Variants in C1orf21 observed in about 807,000 individuals in gnomAD.
C1orf21 encodes the protein uncharacterized protein C1orf21.
In C1orf21, 3 loss-of-function variants were observed where a neutral mutation model predicts 18.7. That is an observed-to-expected ratio of 0.16 (90% CI 0.07 to 0.42). The LOEUF (loss-of-function observed/expected upper bound fraction) is 0.42, where lower values mean the gene tolerates loss of function less well. Among genes scored for constraint, C1orf21 ranks in the 10% least tolerant of loss-of-function variants. The pLI is 0.99. For missense variants in C1orf21, 104 were observed against 143.6 expected, an observed-to-expected ratio of 0.72 and a Z score of 1.41; for synonymous variants, 41 against 46.4, an observed-to-expected ratio of 0.88 and a Z score of 0.47.
chr1:184,471,112 G>C (rs1419000091), intron 1 of C1orf21, among the ~76,000 whole-genome samples: 1 of 152,104 alleles, frequency 6.6e-6, no homozygotes, highest in African/African-American at 2.4e-5. Context: ...GGAGTTTTCT[G>C]GTGCAGGAGA....
chr1:184,600,185 TGA>T (rs1659568868), intron 5 of C1orf21, among the ~76,000 whole-genome samples: 1 of 152,118 alleles, frequency 6.6e-6, no homozygotes, highest in Admixed American at 6.6e-5. Context: ...TTCTTTTTTT[TGA>T]GACGAGGTCT....
chr1:184,561,413 G>A (rs1658962370), intron 3 of C1orf21, among the ~76,000 whole-genome samples: 1 of 152,176 alleles, frequency 6.6e-6, no homozygotes, highest in South Asian at 2.1e-4. Flanking sequence ...GGATGACAGT[G>A]TGCTGTCAGT....
At chr1:184,580,637 T>G (rs1280372069) in intron 3 of C1orf21, among the ~76,000 whole-genome samples, 1 of 152,264 alleles carries the variant, frequency 6.6e-6, no homozygotes, top group East Asian at 1.9e-4. Context: ...TTTGGGACGT[T>G]GTCCCCATAA....
chr1:184,610,251 G>C (rs1242038269), intron 5 of C1orf21, among the ~76,000 whole-genome samples: 1 of 152,238 alleles, frequency 6.6e-6, no homozygotes, highest in Admixed American at 6.5e-5. Flanking sequence ...AGTTTTATTG[G>C]AACTCAGCCA....
chr1:184,551,104 GCA>G (rs1658806450), intron 3 of C1orf21, among the ~76,000 whole-genome samples: 2 of 152,258 alleles, frequency 1.3e-5, no homozygotes, highest in Non-Finnish European at 2.9e-5. Context: ...CCCTTGAAAT[GCA>G]CAGACAGACA....
intron 1 of C1orf21, among the ~76,000 whole-genome samples, chr1:184,443,271 A>G (rs1032244494): frequency 3.9e-5 from 6 of 152,182 alleles, no homozygotes; most frequent in African/African-American, 1.4e-4. Context: ...TGAGATTATT[A>G]ACATGTAATG....
At chr1:184,436,271 G>A (rs1262252138) in intron 1 of C1orf21, among the ~76,000 whole-genome samples, 1 of 152,140 alleles carries the variant, frequency 6.6e-6, no homozygotes, top group East Asian at 1.9e-4. Flanking sequence ...TTATTGGGGC[G>A]ATGGAGTAGT....
At chr1:184,541,242 A>G (rs1365997253) in intron 3 of C1orf21, among the ~76,000 whole-genome samples, 1 of 152,222 alleles carries the variant, frequency 6.6e-6, no homozygotes, top group Non-Finnish European at 1.5e-5. Flanking sequence ...AGTACAGATG[A>G]AATATAAATT....
intron 5 of C1orf21, among the ~76,000 whole-genome samples, chr1:184,608,724 A>G (rs1344347229): frequency 1.3e-5 from 2 of 152,218 alleles, no homozygotes; most frequent in East Asian, 3.8e-4. Flanking sequence ...TCATTCCCAG[A>G]AAATGGATTA....
intron 3 of C1orf21, among the ~76,000 whole-genome samples, chr1:184,584,001 A>C (rs796943710): frequency 1.3e-5 from 2 of 152,088 alleles, no homozygotes; most frequent in South Asian, 4.1e-4. Context: ...GATATTGCAT[A>C]GCTCTCAGCC....
At chr1:184,536,049 AAG>A (rs776793613) in intron 3 of C1orf21, among the ~76,000 whole-genome samples, 21 of 152,198 alleles carry the variant, frequency 1.4e-4, no homozygotes, top group Non-Finnish European at 2.8e-4. Flanking sequence ...GAATTGCAGA[AAG>A]AAGATTTTAA....
rs111825007 is a variant in C1orf21, at chr1:184,567,478, G to A, written c.190-23261G>A. 1,271 of 540,190 alleles carry A rather than the reference G, an allele frequency of 2.4e-3. 13 individuals carry two copies. The highest frequency in any genetic ancestry group is 0.022 in the African/African-American group (1,165 of 52,302). 33.5% of individuals were successfully genotyped at this position (540,190 alleles called of 1,614,324 possible). ...TTAACACTGCTGGTGCAGAGATGCT[G>A]TATTGGATTGTAGGGAAGCTGAGTG... On this transcript the variant is annotated intron_variant, in intron 3 of 5. Coordinates refer to ENST00000235307, the MANE Select transcript of C1orf21 (RefSeq NM_030806.4).
intron 1 of C1orf21, among the ~76,000 whole-genome samples, chr1:184,392,396 C>T (rs1655981868): frequency 6.6e-6 from 1 of 152,146 alleles, no homozygotes; most frequent in Non-Finnish European, 1.5e-5. Context: ...AGTGTGTACA[C>T]ATGGACGTTT....
chr1:184,566,073 T>C (rs1458120775), intron 3 of C1orf21, among the ~76,000 whole-genome samples: 1 of 152,050 alleles, frequency 6.6e-6, no homozygotes, highest in Admixed American at 6.5e-5. Context: ...TGGATTAGGG[T>C]TATGAATGCT....
Position 184,567,631 on chromosome 1 carries a change from C to T in C1orf21, c.190-23108C>T. 2 of 428,066 alleles carry T rather than the reference C, an allele frequency of 4.7e-6. 1 individual carries two copies. Among genetic ancestry groups the T allele is most frequent in the South Asian group, 3.9e-5 (2 of 51,064 alleles). The allele number at this position is 428,066 out of a possible 1,614,324, so 26.5% of individuals were successfully genotyped here. A position where few individuals can be genotyped will look rare whatever the true frequency, so the allele number is the denominator to read the frequency against. ...GGGGCAGGCAGTGGAGGATGCTAGG[C>T]AGACTGCAGCCTACAATGGCATCAC... is the stretch of plus-strand genomic sequence containing the variant. On this transcript the variant is annotated intron_variant, in intron 3 of 5. Transcript: ENST00000235307.
At chr1:184,421,059 A>G (rs1364291622) in intron 1 of C1orf21, among the ~76,000 whole-genome samples, 2 of 152,126 alleles carry the variant, frequency 1.3e-5, no homozygotes, top group East Asian at 1.9e-4. Flanking sequence ...TCATAGTTTC[A>G]CCATTGTTTT....
intron 2 of C1orf21, among the ~76,000 whole-genome samples, chr1:184,506,210 G>A (rs1557989291): frequency 6.6e-6 from 1 of 152,052 alleles, no homozygotes; most frequent in Non-Finnish European, 1.5e-5. Context: ...ATTGTCAGGT[G>A]GAAAAAACAG....
intron 3 of C1orf21, among the ~76,000 whole-genome samples, chr1:184,554,239 G>A (rs1658849158): frequency 6.6e-6 from 1 of 152,030 alleles, no homozygotes; most frequent in African/African-American, 2.4e-5. Flanking sequence ...AATTTGTAAG[G>A]GATCTATATA....
At chr1:184,559,609 T>TCCTTCCTC (rs1381776445) in intron 3 of C1orf21, among the ~76,000 whole-genome samples, 4 of 138,112 alleles carry the variant, frequency 2.9e-5, no homozygotes, top group East Asian at 2.4e-4. Context: ...CTTCCTTCCT[T>TCCTTCCTC]CCTCCCTCCC....
Sources: allele counts gnomAD v4.1 joint callset (sites outside exome capture counted in the v4.1 genomes callset), GRCh38; gene constraint gnomAD v4.1.1; transcripts MANE v1.5; gene names NCBI Gene and HGNC (gene_info 2026-07-23, HGNC 2026-07-21).